Variants in PCDHA13 observed in about 807,000 individuals in gnomAD.
PCDHA13 encodes protocadherin alpha-13.
Under a neutral mutation model 64.8 loss-of-function variants are expected in PCDHA13, and 54 were observed. The ratio of observed to expected loss-of-function variants is 0.83; its 90% CI spans 0.67 to 1.04. The LOEUF (loss-of-function observed/expected upper bound fraction) is 1.04. PCDHA13 is among the 50% of genes least tolerant of loss of function. The probability of loss-of-function intolerance (pLI) is 0.00; values close to 1 mark genes in which losing one functional copy is unlikely to be tolerated. For missense variants in PCDHA13, 1,248 were observed against 1,254.3 expected, an observed-to-expected ratio of 0.99 and a Z score of 0.08; for synonymous variants, 587 against 564.4, an observed-to-expected ratio of 1.04 and a Z score of -0.57.
At chr5:140,919,452 A>G (rs1430872710) in intron 1 of PCDHA13, among the ~76,000 whole-genome samples, 4 of 152,182 alleles carry the variant, frequency 2.6e-5, no homozygotes, top group Non-Finnish European at 4.4e-5. Context: ...ATGTATTCAC[A>G]TGATGTTACT....
intron 1 of PCDHA13, chr5:140,928,089 T>G: frequency 6.2e-7 from 1 of 1,614,192 alleles, no homozygotes; most frequent in Non-Finnish European, 8.5e-7. Context: ...GCCTGCTGAT[T>G]GATGGGCCCC....
intron 1 of PCDHA13, among the ~76,000 whole-genome samples, chr5:140,961,237 G>A (rs1170465013): frequency 1.3e-5 from 2 of 152,136 alleles, no homozygotes; most frequent in African/African-American, 4.8e-5. Context: ...AAAAGGTGAT[G>A]GAATTTATCC....
chr5:140,983,665 A>G (rs1161885514), intron 3 of PCDHA13, among the ~76,000 whole-genome samples: 3 of 152,248 alleles, frequency 2.0e-5, no homozygotes, highest in Non-Finnish European at 4.4e-5. Flanking sequence ...GGCAGAGGGT[A>G]GGATTCAAAC....
chr5:140,969,508 A>C, intron 1 of PCDHA13: 2 of 1,424,370 alleles, frequency 1.4e-6, no homozygotes, highest in South Asian at 1.5e-5. Context: ...GAAAAATAGC[A>C]CTAAAGAATT....
rs1554202548 is a variant in PCDHA13, at chr5:140,925,108, G to GGAA, written c.2394+40447_2394+40448insAAG. 5.0e-3 allele frequency among the ~76,000 whole-genome samples: 619 copies of GGAA among 124,770 alleles called. 3 individuals are homozygous for GGAA. Among genetic ancestry groups the GGAA allele is most frequent in the African/African-American group, 0.02 (595 of 30,200 alleles). The allele number at this position is 124,770 out of a possible 152,430, so 81.9% of individuals were successfully genotyped here. ...AAGGAAGGAAGGAAGGAAGGAAGGA[G>GGAA]GGAAGGAAGGAAGGAAAAAAAATTT... is the stretch of plus-strand genomic sequence containing the variant. On this transcript the variant is annotated intron_variant, in intron 1 of 3. Coordinates refer to ENST00000289272, the MANE Select transcript of PCDHA13 (RefSeq NM_018904.3).
chr5:140,898,505 T>A (rs1367691811), intron 1 of PCDHA13, among the ~76,000 whole-genome samples: 1 of 152,202 alleles, frequency 6.6e-6, no homozygotes, highest in East Asian at 1.9e-4. Flanking sequence ...GTTGTAGATA[T>A]GCGGCGTTAT....
intron 2 of PCDHA13, chr5:140,982,224 A>C: frequency 1.7e-6 from 1 of 587,320 alleles, no homozygotes; most frequent in South Asian, 3.8e-5. Flanking sequence ...TGGCGTTAAT[A>C]AAAAACAGAA....
intron 1 of PCDHA13, among the ~76,000 whole-genome samples, chr5:140,944,007 C>T (rs1181625750): frequency 1.3e-5 from 2 of 152,046 alleles, no homozygotes; most frequent in Non-Finnish European, 2.9e-5. Flanking sequence ...TGAGTACCCC[C>T]CAAAAGCAAT....
At chr5:140,969,765 G>T (rs1445266469) in intron 1 of PCDHA13, among the ~76,000 whole-genome samples, 5 of 152,148 alleles carry the variant, frequency 3.3e-5, no homozygotes, top group Non-Finnish European at 7.3e-5. Flanking sequence ...AAGCTCTGAG[G>T]CCTCTAGGGG....
chr5:141,009,946 A>G lies in PCDHA13; in HGVS notation c.*9A>G, dbSNP rs781855183. On this transcript the variant is annotated 3_prime_UTR_variant, in exon 4 of 4. Transcript: ENST00000289272. ...ACAACAGTGACCAGTGAGGTCCTCA[A>G]ATGGAAACAAGCCACTTAGCCAGTT... 8.8e-6 allele frequency: 14 copies of G among 1,596,354 alleles called. No homozygotes were observed. The highest frequency in any genetic ancestry group is 1.7e-4 in the Middle Eastern group (1 of 5,948).
intron 1 of PCDHA13, among the ~76,000 whole-genome samples, chr5:140,899,769 T>C (rs376898324): frequency 4.6e-4 from 70 of 152,316 alleles, no homozygotes; most frequent in African/African-American, 1.7e-3. Flanking sequence ...CAGTTCCTCC[T>C]TTTACCTCTG....
chr5:140,903,275 T>G (rs1313552617), intron 1 of PCDHA13, among the ~76,000 whole-genome samples: 1 of 152,210 alleles, frequency 6.6e-6, no homozygotes, highest in East Asian at 1.9e-4. Context: ...TGAGGTAGTG[T>G]CTCATTGTGC....
At chr5:140,989,171 G>A (rs2097331816) in intron 3 of PCDHA13, among the ~76,000 whole-genome samples, 1 of 152,116 alleles carries the variant, frequency 6.6e-6, no homozygotes, top group African/African-American at 2.4e-5. Flanking sequence ...GCATAAAACA[G>A]GAGAGTTTCT....
rs903321831 is a variant in PCDHA13, at chr5:140,926,671, C to A, written c.2394+42009C>A. ...CGGCTCCGCTTTCCCAGACGGCTGC[C>A]CAGCCTCCAGCCTAGCAAGCCCGGC... On this transcript the variant is annotated intron_variant, in intron 1 of 3. Coordinates refer to ENST00000289272, the MANE Select transcript of PCDHA13 (RefSeq NM_018904.3). The A allele has an allele frequency of 3.5e-5, 20 of 579,422 alleles. No homozygotes were observed. The South Asian group carries it at 7.5e-4, about 22-fold the overall frequency. 35.9% of individuals were successfully genotyped at this position (579,422 alleles called of 1,614,324 possible).
At chr5:140,941,973 C>T (rs1249999637) in intron 1 of PCDHA13, among the ~76,000 whole-genome samples, 4 of 152,068 alleles carry the variant, frequency 2.6e-5, no homozygotes, top group Admixed American at 1.3e-4. Context: ...TTTACTTTCC[C>T]TAAACCTTGA....
intron 1 of PCDHA13, among the ~76,000 whole-genome samples, chr5:140,893,276 G>A (rs1554185570): frequency 6.6e-6 from 1 of 152,164 alleles, no homozygotes; most frequent in African/African-American, 2.4e-5. Context: ...TAGTGGAATT[G>A]CTGGATGATA....
intron 3 of PCDHA13, among the ~76,000 whole-genome samples, chr5:140,991,067 A>C (rs2097429962): frequency 6.6e-6 from 1 of 152,184 alleles, no homozygotes; most frequent in Admixed American, 6.5e-5. Flanking sequence ...TATTATTCCC[A>C]TGTTTCAGAT....
rs782106355 is a variant in PCDHA13, at chr5:140,884,586, G to A, written c.2318G>A (p.Ser773Asn). 6.2e-7 allele frequency: 1 copy of A among 1,614,250 alleles called. No individual in the cohort carries two copies. The highest frequency in any genetic ancestry group is 1.7e-5 in the Admixed American group (1 of 60,030). The change falls in exon 1 of 4, where the codon AGT becomes AAT. Residue 773 changes from serine (S) to asparagine (N), a missense_variant. Coordinates refer to ENST00000289272, the MANE Select transcript of PCDHA13 (RefSeq NM_018904.3). ...GPHKTDLMAFSPSLPPCLGSA... is the reference protein window; with the variant it reads ...GPHKTDLMAFNPSLPPCLGSA... ...CATAAGACGGACCTCATGGCCTTCAGTCCCAGCCTTCCTCCTTGTCTGGGT... is the reference window on the plus strand; with the variant it reads ...CATAAGACGGACCTCATGGCCTTCAATCCCAGCCTTCCTCCTTGTCTGGGT...
chr5:140,967,980 A>G (rs1554230169), intron 1 of PCDHA13: 1 of 1,614,198 alleles, frequency 6.2e-7, no homozygotes, highest in African/African-American at 1.3e-5. Context: ...CTGGGTCTGG[A>G]GGCCACACTG....
Sources: gnomAD v4.1 joint callset for allele counts (sites outside exome capture counted in the v4.1 genomes callset) on GRCh38, gnomAD v4.1.1 for gene constraint, MANE v1.5 for transcripts, NCBI Gene and HGNC (gene_info 2026-07-23, HGNC 2026-07-21) for gene names.